Variants in RYR3 observed in about 807,000 individuals in gnomAD.
RYR3 encodes brain ryanodine receptor-calcium release channel.
A neutral mutation model predicts 584.3 loss-of-function variants in RYR3; 207 were observed. That is an observed-to-expected ratio of 0.35 (90% CI 0.32 to 0.40). The LOEUF is 0.40. Among genes scored for constraint, RYR3 ranks in the 10% least tolerant of loss-of-function variants. The probability of loss-of-function intolerance (pLI) is 1.00; values close to 1 mark genes in which losing one functional copy is unlikely to be tolerated. For synonymous variants in RYR3, 2,416 were observed against 2,248.5 expected (o/e 1.07, Z -2.11); for missense variants, 5,616 against 6,089.2 (o/e 0.92, Z 2.59).
chr15:33,667,274 T>G (rs2063539266), intron 36 of RYR3, among the ~76,000 whole-genome samples: 1 of 152,228 alleles, frequency 6.6e-6, no homozygotes, highest in African/African-American at 2.4e-5. Flanking sequence ...CTCTGGTTAT[T>G]TCTTCTGTCA....
intron 12 of RYR3, among the ~76,000 whole-genome samples, chr15:33,578,128 G>A (rs2058393578): frequency 1.3e-5 from 2 of 152,184 alleles, no homozygotes; most frequent in African/African-American, 4.8e-5. Context: ...CGAGGCTGTG[G>A]AGAAATAGGA....
At chr15:33,854,544 A>G (rs1162667232) in intron 97 of RYR3, 95 bp downstream of exon 97, 5 of 1,147,388 alleles carry the variant, frequency 4.4e-6, no homozygotes, top group African/African-American at 1.6e-5. Flanking sequence ...GGGTTCAGGG[A>G]TTGCTTATCA....
intron 38 of RYR3, among the ~76,000 whole-genome samples, chr15:33,674,942 A>C (rs1327697294): frequency 6.6e-6 from 1 of 150,622 alleles, no homozygotes; most frequent in African/African-American, 2.4e-5. Context: ...TGGTGTTAGA[A>C]TATAGAACAT....
chr15:33,623,982 T>A lies in RYR3; in HGVS notation c.2533T>A (p.Ser845Thr). 1.9e-6 allele frequency: 3 copies of A among 1,613,946 alleles called. No individual in the cohort carries two copies. The highest frequency in any genetic ancestry group is 2.5e-6 in the Non-Finnish European group (3 of 1,179,860). Residue 845 changes from serine (S) to threonine (T), a missense_variant, in exon 20 of 104, where the codon TCC becomes ACC. Transcript: ENST00000634891. Reference protein sequence around the residue: ...RDLLGTTQFLSQASFIPCPVD... With the variant: ...RDLLGTTQFLTQASFIPCPVD... ...TCTCTTGGGTACCACCCAGTTCCTC[T>A]CCCAAGCCTCTTTCATCCCATGCCC...
At chr15:33,687,649 C>T (rs1301079856) in intron 38 of RYR3, among the ~76,000 whole-genome samples, 2 of 152,204 alleles carry the variant, frequency 1.3e-5, no homozygotes, top group Non-Finnish European at 2.9e-5. Context: ...CATCACACTA[C>T]TGATTTCAAA....
intron 1 of RYR3, among the ~76,000 whole-genome samples, chr15:33,382,319 C>CTTGTTTTTTTTT (rs2041248200): frequency 9.5e-6 from 1 of 104,780 alleles, no homozygotes; most frequent in African/African-American, 4.1e-5. Flanking sequence ...TTAAAAGTGG[C>CTTGTTTTTTTTT]TTTTTTTTTT....
chr15:33,434,647 A>G (rs2045497046), intron 1 of RYR3, among the ~76,000 whole-genome samples: 1 of 152,286 alleles, frequency 6.6e-6, no homozygotes, highest in South Asian at 2.1e-4. Flanking sequence ...CATACTTGCT[A>G]TTCAGCTAAA....
At position 33,566,657 on chromosome 15, in the gene RYR3, C is replaced by T. The variant is rs191492019; in HGVS notation, c.1147-21C>T. On this transcript the variant is annotated intron_variant, in intron 11 of 103. Transcript: ENST00000634891. Reference sequence around the variant, plus strand: ...TGGAATAATTGTAACCTAGAGCTCCCGTCCCTTGCCCTGTGGGTAGGTCAT... The same window carrying T: ...TGGAATAATTGTAACCTAGAGCTCCTGTCCCTTGCCCTGTGGGTAGGTCAT... 45 of 1,613,156 alleles carry T rather than the reference C, an allele frequency of 2.8e-5. No homozygotes were observed. The Admixed American group carries it at 3.0e-4, about 11-fold the overall frequency.
chr15:33,857,845 C>T lies in RYR3; in HGVS notation c.14073C>T (p.Phe4691=). ...TCTATACTGTGGTGGCTTTCAACTT[C>T]TTCCGCAAGTTCTACAACAAAAGCG... ...VYLYTVVAFN[F]FRKFYNKSED... is the part of the protein sequence containing the mutation. The change falls in exon 99 of 104, where the codon TTC becomes TTT. Residue 4691 remains phenylalanine, a synonymous_variant. Coordinates refer to ENST00000634891, the MANE Select transcript of RYR3 (RefSeq NM_001036.6). 1.2e-6 allele frequency: 2 copies of T among 1,614,192 alleles called. No homozygotes were observed. Among genetic ancestry groups the T allele is most frequent in the Non-Finnish European group, 1.7e-6 (2 of 1,180,036 alleles).
chr15:33,313,712 C>A (rs1967681590), intron 1 of RYR3, among the ~76,000 whole-genome samples: 1 of 152,120 alleles, frequency 6.6e-6, no homozygotes, highest in South Asian at 2.1e-4. Context: ...TCGACATGGT[C>A]CTGGATGAGA....
chr15:33,409,918 G>A (rs913100846), intron 1 of RYR3, among the ~76,000 whole-genome samples: 4 of 152,152 alleles, frequency 2.6e-5, no homozygotes, highest in Non-Finnish European at 5.9e-5. Flanking sequence ...ATTGTAATCT[G>A]AGAAACTCCT....
chr15:33,819,785 C>T lies in RYR3; in HGVS notation c.10736C>T (p.Ser3579Phe). Residue 3579 changes from serine (S) to phenylalanine (F), a missense_variant, in exon 77 of 104, where the codon TCC becomes TTC. This residue lies in a region of RYR3 where 954 missense variants were observed against 1,132.2 expected (regional missense o/e 0.84). Coordinates refer to ENST00000634891, the MANE Select transcript of RYR3 (RefSeq NM_001036.6). ...TTGGAAGACGACCCTTTGTACACCT[C>T]CTATTCCAGCATGATGGCCAAGGTA... The part of the protein sequence containing the change: ...SKLEDDPLYT[S>F]YSSMMAKSCQ... 6.3e-7 allele frequency: 1 copy of T among 1,587,176 alleles called. No homozygotes were observed. The highest frequency in any genetic ancestry group is 1.2e-5 in the South Asian group (1 of 84,776).
chr15:33,688,252 G>A (rs2065158281), intron 38 of RYR3, among the ~76,000 whole-genome samples: 1 of 152,070 alleles, frequency 6.6e-6, no homozygotes, highest in African/African-American at 2.4e-5. Flanking sequence ...ATGGGCAAAG[G>A]ATATGAACAG....
In RYR3 at chr15:33,841,845, G is replaced by C. The variant is rs1280562982; in HGVS notation, c.13038-19G>C. 1 of 1,581,946 alleles carries C rather than the reference G, an allele frequency of 6.3e-7. No individual in the cohort carries two copies. The highest frequency in any genetic ancestry group is 8.6e-7 in the Non-Finnish European group (1 of 1,164,042). ...CGCCCTCCCGTCTGCCCTGCTGAGT[G>C]GGTTTCCCATTTCTGCAGCATGGAA... On this transcript the variant is annotated intron_variant, in intron 90 of 103. Transcript: ENST00000634891.
At position 33,395,710 on chromosome 15, in the gene RYR3, G is replaced by A. The variant is rs529821800; in HGVS notation, c.52-77709G>A. 1.2e-4 allele frequency among the ~76,000 whole-genome samples: 18 copies of A among 152,296 alleles called. No individual in the cohort carries two copies. In the East Asian group the frequency reaches 2.9e-3, roughly 25 times the overall value. The stretch of plus-strand genomic sequence containing the variant: ...GCTCTGTGCAATGATGAACATGGAC[G>A]TGGTTCACTCTGGGGCTTCTCCCTG... On this transcript the variant is annotated intron_variant, in intron 1 of 103. Coordinates refer to ENST00000634891, the MANE Select transcript of RYR3 (RefSeq NM_001036.6).
chr15:33,736,366 A>T (rs756436631), intron 49 of RYR3, 41 bp downstream of exon 49: 2 of 1,385,806 alleles, frequency 1.4e-6, no homozygotes, highest in East Asian at 2.3e-5. Flanking sequence ...TCTATTGCAC[A>T]GGAAACTTGC....
intron 53 of RYR3, among the ~76,000 whole-genome samples, chr15:33,747,172 T>C (rs757625028): frequency 2.6e-5 from 4 of 152,076 alleles, no homozygotes; most frequent in Non-Finnish European, 5.9e-5. Context: ...CAAGAAAATA[T>C]GGTTAAGAGA....
At chr15:33,535,302 G>C (rs1255848063) in intron 5 of RYR3, among the ~76,000 whole-genome samples, 1 of 152,170 alleles carries the variant, frequency 6.6e-6, no homozygotes, top group African/African-American at 2.4e-5. Context: ...TCCATGTCTT[G>C]CACAATGGTG....
In RYR3 at chr15:33,670,432, AGAAGAG is replaced by A. The variant is rs1184627962; in HGVS notation, c.5745_5750del (p.Glu1918_Glu1919del). ...GTGGCTTGCTAGGGGTTCCTTTGGA[AGAAGAG>A]GAAGAGGAGGAGGAGGACACCTCCT... On this transcript the variant is annotated inframe_deletion, in exon 38 of 104. Transcript: ENST00000634891. 6.2e-7 allele frequency: 1 copy of A among 1,613,584 alleles called. No individual in the cohort carries two copies. The highest frequency in any genetic ancestry group is 8.5e-7 in the Non-Finnish European group (1 of 1,179,792).
Sources: gnomAD v4.1 joint callset for allele counts (sites outside exome capture counted in the v4.1 genomes callset) on GRCh38, gnomAD v4.1.1 for gene constraint, gnomAD v4.1.1 regional missense constraint, MANE v1.5 for transcripts, NCBI Gene and HGNC (gene_info 2026-07-23, HGNC 2026-07-21) for gene names.